Variants in ZNF385C observed in about 807,000 individuals in gnomAD.
ZNF385C encodes the protein zinc finger protein 385C, also known as CTD-2132N18.2.
Under a neutral mutation model 35.4 loss-of-function variants are expected in ZNF385C, and 28 were observed. The observed-to-expected ratio is 0.79, with a 90% CI of 0.59 to 1.08. The LOEUF (loss-of-function observed/expected upper bound fraction) is 1.08, where lower values mean the gene tolerates loss of function less well. Ranked by LOEUF, ZNF385C falls within the 50% of genes least tolerant of loss-of-function variation. The probability of loss-of-function intolerance (pLI) is 0.00; values close to 1 mark genes in which losing one functional copy is unlikely to be tolerated. For missense variants in ZNF385C, 605 were observed against 595.6 expected (o/e 1.02, Z -0.16); for synonymous variants, 248 against 248.2 (o/e 1.00, Z 0.01).
chr17:42,052,330 A>G (rs1555657207), intron 2 of ZNF385C, among the ~76,000 whole-genome samples: 1 of 152,218 alleles, frequency 6.6e-6, no homozygotes, highest in East Asian at 1.9e-4. Context: ...ATGGGAAAAG[A>G]CAGACAGACA....
At chr17:42,029,586 T>A (rs2143522276) in intron 5 of ZNF385C, among the ~76,000 whole-genome samples, 1 of 152,248 alleles carries the variant, frequency 6.6e-6, no homozygotes, top group African/African-American at 2.4e-5. Flanking sequence ...TGGTGGCACA[T>A]GCCTATAATC....
At position 42,026,682 on chromosome 17, in the gene ZNF385C, C is replaced by G. The variant is rs1555654206; in HGVS notation, c.*215G>C. On this transcript the variant is annotated 3_prime_UTR_variant, in exon 9 of 9. Transcript: ENST00000692273. Reference sequence around the variant, plus strand: ...GGTCTGTCAGGGTGGGAAATGCAGGCAAGCCTAGGATTAACCCTGGAAGGC... The same window carrying G: ...GGTCTGTCAGGGTGGGAAATGCAGGGAAGCCTAGGATTAACCCTGGAAGGC... 3.3e-6 allele frequency: 2 copies of G among 600,814 alleles called. No individual in the cohort carries two copies. The highest frequency in any genetic ancestry group is 5.9e-6 in the Non-Finnish European group (2 of 337,950). The allele number at this position is 600,814 out of a possible 1,614,324, so 37.2% of individuals were successfully genotyped here. A position where few individuals can be genotyped will look rare whatever the true frequency, so the allele number is the denominator to read the frequency against.
chr17:42,031,666 G>A lies in ZNF385C; in HGVS notation c.629C>T (p.Pro210Leu). Reference sequence around the variant, plus strand: ...GGCTCCACTGGCCAGCGTTGGGATTGGGGACACTACAGCCCCATCCTGGGC... The same window carrying A: ...GGCTCCACTGGCCAGCGTTGGGATTAGGGACACTACAGCCCCATCCTGGGC... ...TQAQDGAVVS[P>L]IPTLASGAPG... The change falls in exon 5 of 9, where the codon CCA (proline) becomes CTA (leucine). Residue 210 changes from proline (P) to leucine (L), a missense_variant. Pro to Leu is a moderately conservative substitution (Grantham distance 98). Coordinates refer to ENST00000692273, the MANE Select transcript of ZNF385C (RefSeq NM_001392013.1). 1.2e-5 allele frequency: 19 copies of A among 1,550,654 alleles called. No individual in the cohort carries two copies. The highest frequency in any genetic ancestry group is 1.7e-5 in the Non-Finnish European group (19 of 1,147,010).
At chr17:42,043,484 A>G in intron 2 of ZNF385C, 1 of 1,025,818 alleles carries the variant, frequency 9.7e-7, no homozygotes, top group Non-Finnish European at 1.2e-6. Context: ...ATGGGGAGGC[A>G]GGCTGGGGGC....
At chr17:42,035,826 T>C (rs1555655391) in intron 3 of ZNF385C, among the ~76,000 whole-genome samples, 1 of 151,948 alleles carries the variant, frequency 6.6e-6, no homozygotes. Flanking sequence ...TGTGCTGGAA[T>C]TACAGGTGTG....
intron 2 of ZNF385C, among the ~76,000 whole-genome samples, chr17:42,045,323 TTACAGGCGTGCGCCACC>T (rs2053135612): frequency 6.6e-6 from 1 of 152,268 alleles, no homozygotes; most frequent in African/African-American, 2.4e-5. Context: ...AGTGCTGGGA[TTACAGGCGTGCGCCACC>T]GCGCCTGGCC....
In ZNF385C at chr17:42,043,292, C is replaced by T. The variant is rs2053072475; in HGVS notation, c.251-5407G>A. 3.2e-6 allele frequency: 4 copies of T among 1,232,148 alleles called. No individual in the cohort carries two copies. In the African/African-American group the frequency reaches 4.7e-5, roughly 14 times the overall value. The allele number at this position is 1,232,148 out of a possible 1,614,324, so 76.3% of individuals were successfully genotyped here. On this transcript the variant is annotated intron_variant, in intron 2 of 8. Coordinates refer to ENST00000692273, the MANE Select transcript of ZNF385C (RefSeq NM_001392013.1). ...TCAAAGTCCAGCCAGGTAAACTCCT[C>T]TTTCCAGTGCTCGTTGAAGTAACGC...
At chr17:42,068,349 G>T (rs144995275) in intron 1 of ZNF385C, among the ~76,000 whole-genome samples, 1 of 152,198 alleles carries the variant, frequency 6.6e-6, no homozygotes, top group African/African-American at 2.4e-5. Flanking sequence ...GAGCAGGGCA[G>T]TGGACTTGCT....
chr17:42,085,989 G>T (rs1222359134), intron 1 of ZNF385C, among the ~76,000 whole-genome samples: 3 of 152,202 alleles, frequency 2.0e-5, no homozygotes, highest in African/African-American at 7.2e-5. Flanking sequence ...GATTGCTTGA[G>T]CCAGGGAGGT....
At chr17:42,047,394 C>T (rs188421924) in intron 2 of ZNF385C, among the ~76,000 whole-genome samples, 164 of 152,164 alleles carry the variant, frequency 1.1e-3, no homozygotes, top group African/African-American at 3.7e-3. Flanking sequence ...AGGCTGATCT[C>T]GAACTCCCGA....
intron 2 of ZNF385C, chr17:42,039,632 A>G (rs2052956257): frequency 1.0e-5 from 12 of 1,198,524 alleles, no homozygotes; most frequent in Non-Finnish European, 1.3e-5. Context: ...TGGGTGCAGC[A>G]TGGTCAAGTC....
At chr17:42,077,693 G>A (rs1013215902) in intron 1 of ZNF385C, among the ~76,000 whole-genome samples, 3 of 152,138 alleles carry the variant, frequency 2.0e-5, no homozygotes, top group Non-Finnish European at 4.4e-5. Context: ...TTCCCTGCTC[G>A]GCCCACAGCC....
At chr17:42,072,471 CG>C (rs1238700273) in intron 1 of ZNF385C, among the ~76,000 whole-genome samples, 1 of 152,138 alleles carries the variant, frequency 6.6e-6, no homozygotes, top group Non-Finnish European at 1.5e-5. Context: ...GAGCACGCGG[CG>C]GGCCCCCTCC....
intron 2 of ZNF385C, among the ~76,000 whole-genome samples, chr17:42,049,601 A>G (rs1555656925): frequency 6.6e-6 from 1 of 152,250 alleles, no homozygotes; most frequent in African/African-American, 2.4e-5. Flanking sequence ...CTGTGATTCT[A>G]TGACCTTGCC....
At chr17:42,048,467 C>T (rs2053216132) in intron 2 of ZNF385C, among the ~76,000 whole-genome samples, 1 of 152,054 alleles carries the variant, frequency 6.6e-6, no homozygotes, top group Non-Finnish European at 1.5e-5. Context: ...ATCACTTGAG[C>T]CCGAGTTTGA....
At position 42,062,907 on chromosome 17, in the gene ZNF385C, G is replaced by A. The variant is rs1555658121; in HGVS notation, c.150C>T (p.Ile50=). The change falls in exon 2 of 9, where the codon ATC becomes ATT. Residue 50 remains isoleucine (I), a synonymous_variant. Coordinates refer to ENST00000692273, the MANE Select transcript of ZNF385C (RefSeq NM_001392013.1). ...GGGCCTGGGCCGCCGAGTTCAGCTG[G>A]ATGTTGCAGACATCACAGAGCGTGT... ...PSYTLCDVCN[I]QLNSAAQAQV... is the part of the protein sequence containing the mutation. The A allele has an allele frequency of 5.8e-6, 4 of 686,972 alleles. No homozygotes were observed. The Admixed American group carries it at 6.3e-5, about 11-fold the overall frequency. The allele number at this position is 686,972 out of a possible 1,614,324, so 42.6% of individuals were successfully genotyped here.
chr17:42,028,025 C>A (rs1555654490), intron 7 of ZNF385C, 25 bp downstream of exon 7: 1 of 1,612,300 alleles, frequency 6.2e-7, no homozygotes. Flanking sequence ...GGCTCCAACC[C>A]CAGTCACAGC....
intron 2 of ZNF385C, among the ~76,000 whole-genome samples, chr17:42,060,934 C>G (rs1598196277): frequency 6.6e-6 from 1 of 152,004 alleles, no homozygotes; most frequent in Non-Finnish European, 1.5e-5. Context: ...AGGCTGGTCT[C>G]GAACTCCTGA....
rs150771688 is a variant in ZNF385C, at chr17:42,095,228, AC to A, written c.-3+3181del. Among the ~76,000 whole-genome samples the A allele has an allele frequency of 4.8e-3, 732 of 152,304 alleles. 2 individuals carry two copies. The highest frequency in any genetic ancestry group is 8.5e-3 in the Non-Finnish European group (575 of 68,004). Reference sequence around the variant, plus strand: ...AATAAAGGTTTCATGCCTCTTCTGAACAGACGGTGTGTCCAGGTGCCACAGG... The same window carrying A: ...AATAAAGGTTTCATGCCTCTTCTGAAAGACGGTGTGTCCAGGTGCCACAGG... On this transcript the variant is annotated intron_variant, in intron 1 of 8. Transcript: ENST00000692273. This position sits in a 1 kb window ranked among gnomAD's most constrained non-coding sequence, Gnocchi z 4.4.
Sources: allele counts gnomAD v4.1 joint callset (sites outside exome capture counted in the v4.1 genomes callset), GRCh38; gene constraint gnomAD v4.1.1; non-coding constraint Gnocchi (gnomAD v3.1); transcripts MANE v1.5; gene names NCBI Gene and HGNC (gene_info 2026-07-23, HGNC 2026-07-21).